DYNLL1: variants seen among roughly 807,000 people sequenced by gnomAD.
The protein encoded by DYNLL1 is dynein light chain 1, cytoplasmic.
In DYNLL1, 3 loss-of-function variants were observed where a neutral mutation model predicts 10.1. The ratio of observed to expected loss-of-function variants is 0.30; its 90% CI spans 0.14 to 0.77. DYNLL1 has a LOEUF of 0.77. DYNLL1 is among the 30% of genes least tolerant of loss of function. The pLI is 0.66. For missense variants in DYNLL1, 47 were observed against 111.7 expected, an observed-to-expected ratio of 0.42 and a Z score of 2.61; for synonymous variants, 46 against 41.2, an observed-to-expected ratio of 1.12 and a Z score of -0.45.
At chr12:120,495,823 C>G (rs1879254792), upstream of DYNLL1, 2 of 156,324 alleles carry the variant, frequency 1.3e-5, no homozygotes, top group Admixed American at 1.2e-4. Context: ...CCCTTCCTAC[C>G]TCTCCAGACA....
chr12:120,475,445 C>T (rs1878733328), intron 1 of DYNLL1, among the ~76,000 whole-genome samples: 1 of 152,180 alleles, frequency 6.6e-6, no homozygotes, highest in Non-Finnish European at 1.5e-5. Flanking sequence ...CACCTCCTGA[C>T]CCTGATCCTG....
upstream of DYNLL1, among the ~76,000 whole-genome samples, chr12:120,495,098 G>T (rs1879232102): frequency 6.6e-6 from 1 of 152,148 alleles, no homozygotes; most frequent in Non-Finnish European, 1.5e-5. Context: ...GCTAGTAAAT[G>T]ACAGTGCTGG....
chr12:120,483,108 G>A (rs1878921130), intron 1 of DYNLL1, among the ~76,000 whole-genome samples: 1 of 152,048 alleles, frequency 6.6e-6, no homozygotes, highest in Non-Finnish European at 1.5e-5. Flanking sequence ...GGGAGTCTGA[G>A]GCGGGTGGAT....
chr12:120,487,456 C>A (rs1310294013), intron 1 of DYNLL1, among the ~76,000 whole-genome samples: 1 of 151,570 alleles, frequency 6.6e-6, no homozygotes. Context: ...ACCACCACAC[C>A]CGGCTAATTT....
intron 1 of DYNLL1, among the ~76,000 whole-genome samples, chr12:120,472,659 G>A (rs1231862335): frequency 2.0e-5 from 3 of 152,176 alleles, no homozygotes; most frequent in African/African-American, 4.8e-5. Context: ...TCAGCTAAGT[G>A]ACTCAATAGG....
chr12:120,497,129 C>T (rs757923143), intron 2 of DYNLL1: 16 of 167,988 alleles, frequency 9.5e-5, no homozygotes, highest in Non-Finnish European at 1.9e-4. Context: ...TCAGATGGAA[C>T]AGAAATAAAT....
intron 1 of DYNLL1, among the ~76,000 whole-genome samples, chr12:120,472,614 C>CA (rs1409717569): frequency 2.0e-5 from 3 of 152,110 alleles, no homozygotes; most frequent in Admixed American, 6.6e-5. Context: ...CTGTTGGAGA[C>CA]AATTGGGCAG....
At chr12:120,492,250 G>C (rs984456697), upstream of DYNLL1, 1 of 152,188 alleles carries the variant, frequency 6.6e-6, no homozygotes, top group Non-Finnish European at 1.5e-5. The surrounding 1 kb of genome is among the most constrained non-coding windows in gnomAD (Gnocchi z 4.1). Context: ...ACCGTGGCTA[G>C]GTCTCTAGAT....
chr12:120,489,971 C>T (rs1879086345), intron 1 of DYNLL1, among the ~76,000 whole-genome samples: 1 of 152,228 alleles, frequency 6.6e-6, no homozygotes, highest in African/African-American at 2.4e-5. Flanking sequence ...TGGTCCCGAA[C>T]TCCTGAGCTC....
chr12:120,477,245 T>A (rs1267147480), intron 1 of DYNLL1, among the ~76,000 whole-genome samples: 3 of 152,320 alleles, frequency 2.0e-5, no homozygotes, highest in South Asian at 2.1e-4. Context: ...AGGTTTTTTT[T>A]ATCTAGTGCT....
intron 1 of DYNLL1, among the ~76,000 whole-genome samples, chr12:120,480,604 C>T (rs1430018841): frequency 2.6e-5 from 4 of 152,158 alleles, no homozygotes; most frequent in Admixed American, 6.6e-5. Flanking sequence ...CTCTGCCTCC[C>T]GAGTCTTTGC....
intron 1 of DYNLL1, among the ~76,000 whole-genome samples, chr12:120,480,149 G>A (rs955666057): frequency 6.6e-6 from 1 of 152,134 alleles, no homozygotes; most frequent in African/African-American, 2.4e-5. Flanking sequence ...ATGGGGCTCA[G>A]GGGGAGCGGA....
At chr12:120,496,255 T>G in intron 1 of DYNLL1, 39 bp downstream of exon 1, 2 of 1,072,862 alleles carry the variant, frequency 1.9e-6, no homozygotes, top group Non-Finnish European at 2.7e-6. Context: ...CCTCGCTGCC[T>G]TATTTCGCCC....
At chr12:120,482,802 G>A (rs895454148) in intron 1 of DYNLL1, among the ~76,000 whole-genome samples, 1 of 152,190 alleles carries the variant, frequency 6.6e-6, no homozygotes, top group African/African-American at 2.4e-5. Context: ...AGAGCAGTGA[G>A]ACAGAATAGA....
upstream of DYNLL1, among the ~76,000 whole-genome samples, chr12:120,492,714 C>T (rs1879161831): frequency 1.3e-5 from 2 of 152,154 alleles, no homozygotes; most frequent in Admixed American, 6.5e-5. The surrounding 1 kb of genome is among the most constrained non-coding windows in gnomAD (Gnocchi z 4.1). Flanking sequence ...TTTCCTGTGG[C>T]AAGAATGAAA....
intron 1 of DYNLL1, among the ~76,000 whole-genome samples, chr12:120,478,410 A>G (rs560233693): frequency 3.5e-5 from 5 of 142,146 alleles, no homozygotes; most frequent in Non-Finnish European, 6.2e-5. Context: ...CCTGGCCCCA[A>G]TTTTTTTTTT....
chr12:120,487,036 G>A (rs1879010367), intron 1 of DYNLL1, among the ~76,000 whole-genome samples: 1 of 150,024 alleles, frequency 6.7e-6, no homozygotes, highest in African/African-American at 2.5e-5. Context: ...GTGCAATGGC[G>A]CCATCTCGGC....
intron 1 of DYNLL1, among the ~76,000 whole-genome samples, chr12:120,476,855 G>A (rs566439147): frequency 2.9e-4 from 44 of 150,988 alleles, no homozygotes; most frequent in African/African-American, 6.3e-4. Flanking sequence ...CAGGTGGTCC[G>A]CCCGCCTTGG....
chr12:120,477,093 A>C (rs1327560660), intron 1 of DYNLL1, among the ~76,000 whole-genome samples: 1 of 149,718 alleles, frequency 6.7e-6, no homozygotes, highest in Non-Finnish European at 1.5e-5. Flanking sequence ...CCACACTTGG[A>C]TAATTTTGTA....
Sources: allele counts gnomAD v4.1 joint callset (sites outside exome capture counted in the v4.1 genomes callset), GRCh38; gene constraint gnomAD v4.1.1; non-coding constraint Gnocchi (gnomAD v3.1); transcripts MANE v1.5; gene names NCBI Gene and HGNC (gene_info 2026-07-23, HGNC 2026-07-21).